ATXN7L1: variants seen among roughly 807,000 people sequenced by gnomAD.
The protein encoded by ATXN7L1 is ataxin 7 like 1, also known as ataxin-7-like protein 1.
A neutral mutation model predicts 70.8 loss-of-function variants in ATXN7L1; 15 were observed. The ratio of observed to expected loss-of-function variants is 0.21; its 90% CI spans 0.14 to 0.33. The LOEUF is 0.33. Among genes scored for constraint, ATXN7L1 ranks in the 10% least tolerant of loss-of-function variants. The pLI is 1.00. For synonymous variants in ATXN7L1, 440 were observed against 445.1 expected, an observed-to-expected ratio of 0.99 and a Z score of 0.14; for missense variants, 975 against 1,097.1, an observed-to-expected ratio of 0.89 and a Z score of 1.57.
At chr7:105,691,733 A>AC (rs1026630162) in intron 3 of ATXN7L1, 1 of 152,192 alleles carries the variant, frequency 6.6e-6, no homozygotes, top group African/African-American at 2.4e-5. Flanking sequence ...CAACGACTAA[A>AC]CAACAACAAA....
At chr7:105,822,290 T>C (rs904055266) in intron 2 of ATXN7L1, among the ~76,000 whole-genome samples, 3 of 152,064 alleles carry the variant, frequency 2.0e-5, no homozygotes, top group Non-Finnish European at 4.4e-5. Context: ...ATCCATAACA[T>C]CTATAGTGTG....
At chr7:105,644,808 G>A (rs4481521) in intron 4 of ATXN7L1, among the ~76,000 whole-genome samples, 37,265 of 152,246 alleles carry the variant, frequency 0.24, 5,743 homozygotes, top group Non-Finnish European at 0.35. Flanking sequence ...GGGTCCTGAA[G>A]AGAGATCTGT....
intron 2 of ATXN7L1, among the ~76,000 whole-genome samples, chr7:105,807,431 C>T (rs1358151015): frequency 6.6e-6 from 1 of 152,206 alleles, no homozygotes; most frequent in Non-Finnish European, 1.5e-5. Context: ...TGACACAAAC[C>T]CATGCAGGGC....
chr7:105,678,338 T>C (rs1001192200), intron 3 of ATXN7L1, among the ~76,000 whole-genome samples: 1 of 152,076 alleles, frequency 6.6e-6, no homozygotes, highest in Non-Finnish European at 1.5e-5. Context: ...GTGTGCTTTT[T>C]CCCCTTTATT....
At chr7:105,822,195 T>G (rs1810258677) in intron 2 of ATXN7L1, among the ~76,000 whole-genome samples, 1 of 152,180 alleles carries the variant, frequency 6.6e-6, no homozygotes, top group Admixed American at 6.5e-5. Context: ...TCCAGCTACT[T>G]GGGAGGCTGA....
Position 105,804,111 on chromosome 7 carries a change from T to C in ATXN7L1, c.251-15403A>G, listed in dbSNP as rs891976500. Among the ~76,000 whole-genome samples the C allele has an allele frequency of 2.0e-5, 3 of 152,302 alleles. No homozygotes were observed. The Middle Eastern group carries it at 0.01, about 518-fold the overall frequency. On this transcript the variant is annotated intron_variant, in intron 2 of 11. Coordinates refer to ENST00000419735, the MANE Select transcript of ATXN7L1 (RefSeq NM_020725.2). Reference sequence around the variant, plus strand: ...CCTGGCCAAGCTCCAGAGGCTAGAATGGGGTGCCCAGCTTCCTTTCTGGCC... The same window carrying C: ...CCTGGCCAAGCTCCAGAGGCTAGAACGGGGTGCCCAGCTTCCTTTCTGGCC...
chr7:105,641,246 G>A (rs1348705668), intron 5 of ATXN7L1, among the ~76,000 whole-genome samples: 2 of 13,532 alleles, frequency 1.5e-4, no homozygotes, highest in African/African-American at 3.0e-4. Context: ...TTTTTTTTTA[G>A]CTTCACTTAG....
chr7:105,691,819 A>G (rs1790906203), intron 3 of ATXN7L1, among the ~76,000 whole-genome samples: 1 of 152,202 alleles, frequency 6.6e-6, no homozygotes, highest in African/African-American at 2.4e-5. Flanking sequence ...AGCTGCAGTC[A>G]ATACCAGCTA....
At chr7:105,692,433 C>CCTCCCTCCTTCCTTCCTTCCTCCCTCT in intron 3 of ATXN7L1, among the ~76,000 whole-genome samples, 1 of 142,690 alleles carries the variant, frequency 7.0e-6, no homozygotes. Context: ...TTCCTCCCTC[C>CCTCCCTCCTTCCTTCCTTCCTCCCTCT]CTCCCTCCCT....
intron 4 of ATXN7L1, among the ~76,000 whole-genome samples, chr7:105,661,878 G>A (rs1004469899): frequency 6.6e-6 from 1 of 152,148 alleles, no homozygotes; most frequent in Non-Finnish European, 1.5e-5. Flanking sequence ...TTGCAGGCAT[G>A]GCAAATTGCC....
chr7:105,790,404 C>T (rs1230743386), intron 2 of ATXN7L1, among the ~76,000 whole-genome samples: 1 of 151,862 alleles, frequency 6.6e-6, no homozygotes, highest in Non-Finnish European at 1.5e-5. Flanking sequence ...GAAGTGAGAC[C>T]CCCATCTCTA....
chr7:105,733,713 C>T (rs1277778590), intron 3 of ATXN7L1, among the ~76,000 whole-genome samples: 2 of 118,770 alleles, frequency 1.7e-5, no homozygotes, highest in African/African-American at 3.1e-5. Context: ...CATCCATCCA[C>T]CCATCCATCC....
chr7:105,865,098 T>C (rs1302093469), intron 2 of ATXN7L1, among the ~76,000 whole-genome samples: 1 of 152,204 alleles, frequency 6.6e-6, no homozygotes, highest in East Asian at 1.9e-4. Flanking sequence ...CCCCTGGAAG[T>C]GGCAGCTCTT....
rs182015292 is a variant in ATXN7L1 at position 105,695,100 on chromosome 7, G to A, written c.356-29812C>T. On this transcript the variant is annotated intron_variant, in intron 3 of 11. Coordinates refer to ENST00000419735, the MANE Select transcript of ATXN7L1 (RefSeq NM_020725.2). ...TGGGAGGCGGAGGTTGCAGTGAGCC[G>A]AGATCACACCATTGCATCTCTACTA... Among the ~76,000 whole-genome samples the A allele has an allele frequency of 3.5e-3, 520 of 148,598 alleles. 2 individuals carry two copies. The highest frequency in any genetic ancestry group is 0.012 in the African/African-American group (467 of 40,198).
chr7:105,876,458 C>A lies in ATXN7L1; in HGVS notation c.101G>T (p.Arg34Leu). The change falls in exon 1 of 12, where the codon CGC becomes CTC. Residue 34 changes from arginine to leucine, a missense_variant. Coordinates refer to ENST00000419735, the MANE Select transcript of ATXN7L1 (RefSeq NM_020725.2). ...AAACGCCTCCGGACTGGGCACTTTG[C>A]GATCCAGTGTCGCCATTGCTCTTCC... is the stretch of plus-strand genomic sequence containing the variant. Reference protein sequence around the residue: ...QEGRAMATLDRKVPSPEAFLG... With the variant: ...QEGRAMATLDLKVPSPEAFLG... The A allele has an allele frequency of 6.2e-7, 1 of 1,613,864 alleles. No individual in the cohort carries two copies. The highest frequency in any genetic ancestry group is 8.5e-7 in the Non-Finnish European group (1 of 1,179,902).
chr7:105,652,440 A>T (rs1236973304), intron 4 of ATXN7L1, among the ~76,000 whole-genome samples: 1 of 152,214 alleles, frequency 6.6e-6, no homozygotes, highest in Non-Finnish European at 1.5e-5. Context: ...GCGCTGGTGC[A>T]GGGTGAGGCA....
chr7:105,851,820 AC>A (rs1321980356), intron 2 of ATXN7L1, among the ~76,000 whole-genome samples: 3 of 152,144 alleles, frequency 2.0e-5, no homozygotes, highest in African/African-American at 7.2e-5. Context: ...ACGCCCTCAC[AC>A]CTCTGCAATT....
chr7:105,613,825 C>A (rs1358218485), intron 10 of ATXN7L1, 37 bp downstream of exon 10: 3 of 1,551,608 alleles, frequency 1.9e-6, no homozygotes, highest in African/African-American at 1.4e-5. Context: ...CCCCTGCCCC[C>A]CAGAGCCGGT....
chr7:105,769,055 C>T (rs764465377), intron 3 of ATXN7L1, among the ~76,000 whole-genome samples: 51 of 152,308 alleles, frequency 3.3e-4, no homozygotes, highest in South Asian at 8.3e-4. Flanking sequence ...ACTTGTGTGG[C>T]CTCAGGCAAA....
Sources: allele counts gnomAD v4.1 joint callset (sites outside exome capture counted in the v4.1 genomes callset), GRCh38; gene constraint gnomAD v4.1.1; transcripts MANE v1.5; gene names NCBI Gene and HGNC (gene_info 2026-07-23, HGNC 2026-07-21).